The following PMM2 variants were observed in gnomAD, a reference collection of about 807,000 sequenced individuals.
The protein encoded by PMM2 is phosphomannomutase 2.
PMM2 carries 35 observed loss-of-function variants against 33.2 expected under a neutral mutation model. The ratio of observed to expected loss-of-function variants is 1.06; its 90% CI spans 0.81 to 1.40. The LOEUF is 1.40. PMM2 is among the 40% of genes most tolerant of loss of function. The pLI is 0.00. For missense variants in PMM2, 386 were observed against 306.0 expected (o/e 1.26, Z -1.95); for synonymous variants, 153 against 114.7 (o/e 1.33, Z -2.13).
At chr16:8,820,043 C>A (rs919873203) in intron 7 of PMM2, among the ~76,000 whole-genome samples, 1 of 152,130 alleles carries the variant, frequency 6.6e-6, no homozygotes, top group Admixed American at 6.5e-5. Context: ...CTTAAAAATA[C>A]AAAAATTAGC....
At chr16:8,798,085 TG>T in intron 1 of PMM2, 137 bp downstream of exon 1, 1 of 805,020 alleles carries the variant, frequency 1.2e-6, no homozygotes, top group Non-Finnish European at 2.1e-6. Flanking sequence ...AACCCTATTC[TG>T]GGTGCACTGG....
intron 2 of PMM2, among the ~76,000 whole-genome samples, chr16:8,804,031 G>GTTTT (rs752484926): frequency 2.3e-5 from 2 of 87,492 alleles, no homozygotes; most frequent in African/African-American, 4.6e-5. Context: ...GGTTTTTTTT[G>GTTTT]TTTTTTTTTT....
intron 7 of PMM2, among the ~76,000 whole-genome samples, chr16:8,827,768 A>G (rs2060780324): frequency 1.3e-5 from 1 of 77,248 alleles, no homozygotes. Context: ...ATATGCACAC[A>G]TTTATATATA....
chr16:8,810,264 G>T (rs181940969), intron 4 of PMM2: 7 of 152,322 alleles, frequency 4.6e-5, no homozygotes, highest in Admixed American at 2.0e-4. Flanking sequence ...AATTCTCAGA[G>T]CCTTTTTCTG....
intron 7 of PMM2, among the ~76,000 whole-genome samples, chr16:8,817,999 G>T (rs1022161443): frequency 3.3e-5 from 5 of 151,630 alleles, no homozygotes; most frequent in African/African-American, 1.2e-4. Flanking sequence ...CACCTCCCGG[G>T]TTCACACCAT....
intron 1 of PMM2, among the ~76,000 whole-genome samples, chr16:8,800,228 G>A (rs1460131347): frequency 6.6e-6 from 1 of 151,972 alleles, no homozygotes; most frequent in Non-Finnish European, 1.5e-5. Context: ...GAGCATGATG[G>A]CGGGCGCCTG....
At chr16:8,806,225 G>A (rs1319588080) in intron 3 of PMM2, 91 bp from the exon 4 acceptor site, 2 of 807,220 alleles carry the variant, frequency 2.5e-6, no homozygotes, top group Non-Finnish European at 4.4e-6. Flanking sequence ...CTGATTTTCA[G>A]CAATCGTGGC....
At chr16:8,817,862 G>A (rs1037735455) in intron 7 of PMM2, among the ~76,000 whole-genome samples, 11 of 151,198 alleles carry the variant, frequency 7.3e-5, no homozygotes, top group Middle Eastern at 3.4e-3. Flanking sequence ...TTCTCTTAAC[G>A]TATTTTATTT....
chr16:8,801,795 T>G lies in PMM2; in HGVS notation c.67-4T>G. 6.3e-7 allele frequency: 1 copy of G among 1,589,238 alleles called. No individual in the cohort carries two copies. Among genetic ancestry groups the G allele is most frequent in the Non-Finnish European group, 8.6e-7 (1 of 1,160,960 alleles). ...ACTGTTGTATTTTCTTTCTTGAAAT[T>G]TAGAAAATTACCAAAGAAATGGATG... On this transcript the variant is annotated splice_polypyrimidine_tract_variant and splice_region_variant and intron_variant, in intron 1 of 7. Transcript: ENST00000268261.
intron 6 of PMM2, among the ~76,000 whole-genome samples, chr16:8,812,782 T>C (rs1206827161): frequency 1.3e-5 from 2 of 152,246 alleles, no homozygotes; most frequent in Non-Finnish European, 2.9e-5. Flanking sequence ...GCCTCAATTT[T>C]AGACCTATGT....
rs1337893493 is a variant in PMM2, at chr16:8,849,142, C to T, written c.*1317C>T. 1 of 152,216 alleles carries T rather than the reference C, an allele frequency of 6.6e-6. No individual in the cohort carries two copies. The highest frequency in any genetic ancestry group is 1.5e-5 in the Non-Finnish European group (1 of 68,080). The allele number at this position is 152,216 out of a possible 1,614,324, so 9.4% of individuals were successfully genotyped here. A position where few individuals can be genotyped will look rare whatever the true frequency, so the allele number is the denominator to read the frequency against. ...GCTTTCATCACAGCTAAACCTGGTT[C>T]CCTCCAAACCTCCCAGCCACTCGGG... On this transcript the variant is annotated 3_prime_UTR_variant, in exon 8 of 8. Coordinates refer to ENST00000268261, the MANE Select transcript of PMM2 (RefSeq NM_000303.3).
At chr16:8,839,879 G>GTTAATAT (rs1386722468) in intron 7 of PMM2, among the ~76,000 whole-genome samples, 1 of 139,780 alleles carries the variant, frequency 7.2e-6, no homozygotes, top group African/African-American at 2.7e-5. Flanking sequence ...GGGGAGAAAG[G>GTTAATAT]AGAAAGGAGA....
intron 2 of PMM2, 112 bp from the exon 3 acceptor site, chr16:8,804,655 C>G: frequency 2.6e-6 from 2 of 761,620 alleles, no homozygotes; most frequent in Non-Finnish European, 4.7e-6. Context: ...GATAGTCTTT[C>G]ACAGTCCTTG....
chr16:8,841,020 GTACC>G (rs1206146248), intron 7 of PMM2, among the ~76,000 whole-genome samples: 19 of 152,190 alleles, frequency 1.2e-4, no homozygotes, highest in Admixed American at 7.2e-4. Context: ...CAAATGGACT[GTACC>G]TACCCTGTAG....
chr16:8,802,286 A>G (rs753469457), intron 2 of PMM2: 1 of 455,568 alleles, frequency 2.2e-6, no homozygotes, highest in South Asian at 1.6e-5. Context: ...CATCACTGAA[A>G]CAGAATCTCC....
intron 7 of PMM2, among the ~76,000 whole-genome samples, chr16:8,834,471 T>C (rs555383477): frequency 0.017 from 2,603 of 151,584 alleles, 60 homozygotes; most frequent in African/African-American, 0.06. Context: ...TCTACTTATC[T>C]AGTGAAAGTG....
chr16:8,842,773 A>G (rs540098802), intron 7 of PMM2, among the ~76,000 whole-genome samples: 10 of 152,334 alleles, frequency 6.6e-5, no homozygotes, highest in Admixed American at 5.2e-4. Context: ...TTAGAAGCCT[A>G]TGCTGTAGCA....
chr16:8,847,849 C>G lies in PMM2; in HGVS notation c.*24C>G, dbSNP rs779535343. 3 of 1,571,278 alleles carry G rather than the reference C, an allele frequency of 1.9e-6. No homozygotes were observed. The highest frequency in any genetic ancestry group is 2.6e-6 in the Non-Finnish European group (3 of 1,143,836). ...AACGTGGGAGCGGGAGGGGCGGGGT[C>G]CCGGCTGACAAGCCAGCATAGGGCA... is the stretch of plus-strand genomic sequence containing the variant. On this transcript the variant is annotated 3_prime_UTR_variant, in exon 8 of 8. Transcript: ENST00000268261.
At chr16:8,821,264 A>G (rs2060737753) in intron 7 of PMM2, among the ~76,000 whole-genome samples, 1 of 152,180 alleles carries the variant, frequency 6.6e-6, no homozygotes, top group South Asian at 2.1e-4. Context: ...AGAGGTTCTC[A>G]GCCTGGTGGA....
Sources: allele counts gnomAD v4.1 joint callset (sites outside exome capture counted in the v4.1 genomes callset), GRCh38; gene constraint gnomAD v4.1.1; transcripts MANE v1.5; gene names NCBI Gene and HGNC (gene_info 2026-07-23, HGNC 2026-07-21).